The following PDE3A variants were observed in gnomAD, a reference collection of about 807,000 sequenced individuals.
PDE3A encodes the protein cGMP-inhibited 3',5'-cyclic phosphodiesterase 3A.
PDE3A carries 43 observed loss-of-function variants against 98.3 expected under a neutral mutation model. That is an observed-to-expected ratio of 0.44 (90% CI 0.34 to 0.56). PDE3A has a LOEUF of 0.56. Among genes scored for constraint, PDE3A ranks in the 20% least tolerant of loss-of-function variants. The probability of loss-of-function intolerance (pLI) is 0.01; values close to 1 mark genes in which losing one functional copy is unlikely to be tolerated. For synonymous variants in PDE3A, 663 were observed against 567.9 expected (o/e 1.17, Z -2.38); for missense variants, 1,427 against 1,440.7 (o/e 0.99, Z 0.15).
At position 20,511,417 on chromosome 12, in the gene PDE3A, T is replaced by TACACACAC. The variant is rs71884926; in HGVS notation, c.961-45221_961-45214dup. ...GCCCATAAATTAGGAAGTGCTCAAA[T>TACACACAC]ACACACACACACACACACACACACA... On this transcript the variant is annotated intron_variant, in intron 1 of 15. Coordinates refer to ENST00000359062, the MANE Select transcript of PDE3A (RefSeq NM_000921.5). Among the ~76,000 whole-genome samples the TACACACAC allele has an allele frequency of 8.7e-3, 1,282 of 147,990 alleles. 12 individuals are homozygous for TACACACAC. Among genetic ancestry groups the TACACACAC allele is most frequent in the Middle Eastern group, 0.05 (14 of 282 alleles).
chr12:20,608,145 C>T (rs1335113737), intron 2 of PDE3A, among the ~76,000 whole-genome samples: 2 of 152,170 alleles, frequency 1.3e-5, no homozygotes, highest in Non-Finnish European at 2.9e-5. Flanking sequence ...ATTGAAACAG[C>T]AGCCAGTCCA....
intron 15 of PDE3A, among the ~76,000 whole-genome samples, chr12:20,668,384 C>G (rs1375369073): frequency 6.7e-6 from 1 of 149,972 alleles, no homozygotes; most frequent in Admixed American, 6.7e-5. Flanking sequence ...GTAGGCTCCA[C>G]CTCTGGGGGC....
At chr12:20,618,213 C>A (rs891947879) in intron 4 of PDE3A, among the ~76,000 whole-genome samples, 5 of 152,020 alleles carry the variant, frequency 3.3e-5, no homozygotes, top group Non-Finnish European at 7.4e-5. Flanking sequence ...GAATTTGATC[C>A]CTTTAAGGGA....
chr12:20,674,643 C>G (rs1945585537), intron 15 of PDE3A, among the ~76,000 whole-genome samples: 1 of 152,020 alleles, frequency 6.6e-6, no homozygotes, highest in Non-Finnish European at 1.5e-5. Flanking sequence ...TATTATTGGT[C>G]TATTTAGGTT....
chr12:20,390,525 G>A (rs1439135202), intron 1 of PDE3A, among the ~76,000 whole-genome samples: 1 of 151,338 alleles, frequency 6.6e-6, no homozygotes, highest in Non-Finnish European at 1.5e-5. Flanking sequence ...GTTAACAAAG[G>A]GCATGAACGC....
At chr12:20,678,181 G>A (rs1376385625) in intron 15 of PDE3A, among the ~76,000 whole-genome samples, 1 of 152,132 alleles carries the variant, frequency 6.6e-6, no homozygotes, top group Non-Finnish European at 1.5e-5. Flanking sequence ...GTACATGGTG[G>A]GAATGTGGAT....
chr12:20,664,463 A>C (rs955550093), intron 15 of PDE3A, among the ~76,000 whole-genome samples: 1 of 152,132 alleles, frequency 6.6e-6, no homozygotes, highest in East Asian at 1.9e-4. Flanking sequence ...CTTCATGTTC[A>C]GAATACCTCT....
Position 20,398,338 on chromosome 12 carries a change from C to T in PDE3A, c.960+28094C>T, listed in dbSNP as rs556516103. 3.1e-4 allele frequency among the ~76,000 whole-genome samples: 45 copies of T among 144,624 alleles called. 1 individual carries two copies. The highest frequency in any genetic ancestry group is 1.0e-3 in the African/African-American group (41 of 39,360). The allele number at this position is 144,624 out of a possible 152,430, so 94.9% of individuals were successfully genotyped here. On this transcript the variant is annotated intron_variant, in intron 1 of 15. Transcript: ENST00000359062. ...CCTTTAGTGATATTATGGGTAATAG[C>T]GATAAATTTTTATTTTCTCAATTTA...
At chr12:20,673,830 C>T (rs1179153116) in intron 15 of PDE3A, among the ~76,000 whole-genome samples, 1 of 144,530 alleles carries the variant, frequency 6.9e-6, no homozygotes, top group Admixed American at 7.0e-5. Context: ...CACATGTACC[C>T]TAAAACTTAA....
rs1942251193 is a variant in PDE3A at position 20,552,809 on chromosome 12, G to A, written c.961-3851G>A. 3 of 1,614,030 alleles carry A rather than the reference G, an allele frequency of 1.9e-6. No homozygotes were observed. The highest frequency in any genetic ancestry group is 1.1e-5 in the South Asian group (1 of 91,082). The stretch of plus-strand genomic sequence containing the variant: ...GAGGAGACGTTCCAGTGTATCTGCT[G>A]TCAGGAGCTGGTGTTCCGGCCCATC... On this transcript the variant is annotated intron_variant, in intron 1 of 15. Transcript: ENST00000359062. This position sits in a 1 kb window ranked among gnomAD's most constrained non-coding sequence, Gnocchi z 5.1.
intron 1 of PDE3A, 156 bp downstream of exon 1, chr12:20,370,400 GTTTTTTTTGTTTTT>G (rs1416390270): frequency 7.5e-5 from 27 of 359,894 alleles, no homozygotes; most frequent in Middle Eastern, 7.4e-4. Context: ...TTTTTTTTTT[GTTTTTTTTGTTTTT>G]TTTTTTTTGT....
chr12:20,592,055 T>C (rs983882766), intron 2 of PDE3A, among the ~76,000 whole-genome samples: 2 of 152,268 alleles, frequency 1.3e-5, no homozygotes, highest in Middle Eastern at 3.4e-3. Context: ...GATTAACATA[T>C]AATTTTCAAT....
intron 15 of PDE3A, among the ~76,000 whole-genome samples, chr12:20,670,345 G>T (rs961609867): frequency 2.9e-4 from 44 of 149,202 alleles, no homozygotes; most frequent in African/African-American, 1.1e-3. Context: ...GCACCAAGCG[G>T]ACCTAATAGA....
At position 20,369,192 on chromosome 12, in the gene PDE3A, T is replaced by TGCGG. The variant is rs764784119; in HGVS notation, c.-92_-91insCGGG. The TGCGG allele has an allele frequency of 2.1e-5, 5 of 239,852 alleles. No homozygotes were observed. The highest frequency in any genetic ancestry group is 3.0e-5 in the Non-Finnish European group (5 of 166,512). The allele number at this position is 239,852 out of a possible 1,614,324, so 14.9% of individuals were successfully genotyped here. ...TGGAATTGGGAAGAGCGTGCGTGCG[T>TGCGG]GTGTGTGTGTGTGTGTGTGCGCGCG... On this transcript the variant is annotated 5_prime_UTR_variant, in exon 1 of 16. Transcript: ENST00000359062.
At chr12:20,531,155 C>T (rs111623446) in intron 1 of PDE3A, among the ~76,000 whole-genome samples, 186 of 152,216 alleles carry the variant, frequency 1.2e-3, no homozygotes, top group Middle Eastern at 3.4e-3. Context: ...TATTCTGAGA[C>T]GAAATTGTTC....
intron 1 of PDE3A, among the ~76,000 whole-genome samples, chr12:20,450,739 G>C (rs141351564): frequency 6.6e-6 from 1 of 152,322 alleles, no homozygotes; most frequent in Non-Finnish European, 1.5e-5. Flanking sequence ...TATCAAATAC[G>C]CTGTATGGGA....
chr12:20,556,174 G>A (rs1485460282), intron 1 of PDE3A, among the ~76,000 whole-genome samples: 1 of 151,984 alleles, frequency 6.6e-6, no homozygotes, highest in Non-Finnish European at 1.5e-5. Context: ...GTGACTATGT[G>A]GGCATATTTC....
At chr12:20,479,715 A>C (rs530982793) in intron 1 of PDE3A, among the ~76,000 whole-genome samples, 2 of 152,308 alleles carry the variant, frequency 1.3e-5, no homozygotes, top group Non-Finnish European at 2.9e-5. Context: ...TATTACACTG[A>C]GGACACTTGG....
intron 15 of PDE3A, among the ~76,000 whole-genome samples, chr12:20,660,200 T>G (rs935188388): frequency 3.3e-5 from 5 of 152,216 alleles, no homozygotes; most frequent in Non-Finnish European, 5.9e-5. Context: ...TATGACCATG[T>G]GAAGAAGGAT....
Sources: allele counts gnomAD v4.1 joint callset (sites outside exome capture counted in the v4.1 genomes callset), GRCh38; gene constraint gnomAD v4.1.1; non-coding constraint Gnocchi (gnomAD v3.1); transcripts MANE v1.5; gene names NCBI Gene and HGNC (gene_info 2026-07-23, HGNC 2026-07-21).